The following ALCAM variants were observed in gnomAD, a reference collection of about 807,000 sequenced individuals.
ALCAM encodes activated leukocyte cell adhesion molecule.
A neutral mutation model predicts 70.9 loss-of-function variants in ALCAM; 30 were observed. That is an observed-to-expected ratio of 0.42 (90% CI 0.32 to 0.57). The LOEUF (loss-of-function observed/expected upper bound fraction) is 0.57, where lower values mean the gene tolerates loss of function less well. ALCAM is among the 20% of genes least tolerant of loss of function. The pLI is 0.11. For synonymous variants in ALCAM, 249 were observed against 242.5 expected (o/e 1.03, Z -0.25); for missense variants, 591 against 695.1 (o/e 0.85, Z 1.68).
rs1211462100 is a variant in ALCAM, at chr3:105,550,234, A to G, written c.1482A>G (p.Thr494=). 1.2e-6 allele frequency: 2 copies of G among 1,607,298 alleles called. No homozygotes were observed. Among genetic ancestry groups the G allele is most frequent in the Non-Finnish European group, 1.7e-6 (2 of 1,176,158 alleles). The part of the protein sequence containing the change: ...TCTAENQLER[T]VNSLNVSAIS... ...CAGCAGAAAACCAACTGGAGAGAAC[A>G]GTAAACTCCTTGAATGTCTCTGCTA... Residue 494 remains threonine (T), a synonymous_variant, in exon 12 of 16, where the codon ACA becomes ACG. Coordinates refer to ENST00000306107, the MANE Select transcript of ALCAM (RefSeq NM_001627.4).
At chr3:105,382,276 T>C (rs977785455) in intron 1 of ALCAM, among the ~76,000 whole-genome samples, 2 of 152,038 alleles carry the variant, frequency 1.3e-5, no homozygotes, top group Non-Finnish European at 2.9e-5. Context: ...AATTCATCAT[T>C]TTTTATGGCT....
chr3:105,401,901 C>G (rs1936098579), intron 1 of ALCAM, among the ~76,000 whole-genome samples: 1 of 151,222 alleles, frequency 6.6e-6, no homozygotes, highest in Non-Finnish European at 1.5e-5. Flanking sequence ...ATAAGAATTT[C>G]TAGACTTGGG....
intron 2 of ALCAM, among the ~76,000 whole-genome samples, chr3:105,523,466 A>G (rs1411908355): frequency 6.6e-6 from 1 of 152,252 alleles, no homozygotes; most frequent in Admixed American, 6.5e-5. Context: ...GTCATGGACT[A>G]TAACATATAT....
intron 1 of ALCAM, among the ~76,000 whole-genome samples, chr3:105,519,772 A>G (rs888746422): frequency 1.3e-5 from 2 of 152,184 alleles, no homozygotes; most frequent in African/African-American, 2.4e-5. Flanking sequence ...AGATTCCACG[A>G]TGTTCCTTTG....
At chr3:105,464,354 G>T (rs1483439673) in intron 1 of ALCAM, among the ~76,000 whole-genome samples, 8 of 146,634 alleles carry the variant, frequency 5.5e-5, no homozygotes, top group Admixed American at 1.4e-4. Context: ...GTTATGGGGG[G>T]TAAAATGAAA....
intron 1 of ALCAM, among the ~76,000 whole-genome samples, chr3:105,435,821 C>G (rs941178241): frequency 6.6e-6 from 1 of 152,030 alleles, no homozygotes; most frequent in South Asian, 2.1e-4. Flanking sequence ...GACGGAGTCT[C>G]GCTCTGTCGC....
chr3:105,425,049 G>T (rs1936756326), intron 1 of ALCAM, among the ~76,000 whole-genome samples: 1 of 150,870 alleles, frequency 6.6e-6, no homozygotes, highest in Non-Finnish European at 1.5e-5. Flanking sequence ...ACCTATGAGT[G>T]CCATTTAGCT....
chr3:105,551,159 C>T (rs961897233), intron 12 of ALCAM, among the ~76,000 whole-genome samples: 2 of 151,532 alleles, frequency 1.3e-5, no homozygotes, highest in African/African-American at 2.4e-5. Context: ...AATGGTCCCT[C>T]ACAGATTATG....
At chr3:105,495,805 G>A (rs1319698585) in intron 1 of ALCAM, among the ~76,000 whole-genome samples, 1 of 152,098 alleles carries the variant, frequency 6.6e-6, no homozygotes, top group Non-Finnish European at 1.5e-5. Flanking sequence ...AAAAGTTAAG[G>A]GAATTAAAAA....
At chr3:105,467,234 T>C (rs1488760109) in intron 1 of ALCAM, among the ~76,000 whole-genome samples, 1 of 151,318 alleles carries the variant, frequency 6.6e-6, no homozygotes, top group Non-Finnish European at 1.5e-5. Context: ...ATCATTTCTA[T>C]TGAGAACAGA....
chr3:105,561,690 A>G (rs1195680659), intron 14 of ALCAM, among the ~76,000 whole-genome samples: 1 of 152,178 alleles, frequency 6.6e-6, no homozygotes, highest in Admixed American at 6.5e-5. Flanking sequence ...GTGTTTCCCA[A>G]AAGAATCCTC....
At chr3:105,567,629 T>C (rs2152635470) in intron 14 of ALCAM, among the ~76,000 whole-genome samples, 1 of 152,316 alleles carries the variant, frequency 6.6e-6, no homozygotes, top group South Asian at 2.1e-4. Context: ...GTCATAGAAT[T>C]ATTTTTGTTC....
intron 1 of ALCAM, among the ~76,000 whole-genome samples, chr3:105,391,609 A>G (rs1935818990): frequency 1.3e-5 from 2 of 152,020 alleles, no homozygotes; most frequent in South Asian, 4.1e-4. Flanking sequence ...CCCTGGCCAG[A>G]ACTTCCAGTA....
chr3:105,541,599 G>A (rs1940116681), intron 7 of ALCAM, 34 bp from the exon 8 acceptor site: 1 of 1,607,232 alleles, frequency 6.2e-7, no homozygotes, highest in South Asian at 1.1e-5. Flanking sequence ...TAGCGACCAA[G>A]TATAATCATC....
rs13082435 is a variant in ALCAM at position 105,366,910 on chromosome 3, G to T, written c.-499G>T. 1 of 160,228 alleles carries T rather than the reference G, an allele frequency of 6.2e-6. No individual in the cohort carries two copies. Among genetic ancestry groups the T allele is most frequent in the South Asian group, 1.4e-4 (1 of 7,040 alleles). The allele number at this position is 160,228 out of a possible 1,614,324, so 9.9% of individuals were successfully genotyped here. A position where few individuals can be genotyped will look rare whatever the true frequency, so the allele number is the denominator to read the frequency against. ...ACACGCCTTCCAGTCCCTCTACTCA[G>T]AGCAGCCCGGAGACCGCTGCCGCCG... On this transcript the variant is annotated 5_prime_UTR_variant, in exon 1 of 16. Coordinates refer to ENST00000306107, the MANE Select transcript of ALCAM (RefSeq NM_001627.4).
intron 1 of ALCAM, among the ~76,000 whole-genome samples, chr3:105,457,309 A>T (rs1937547047): frequency 6.6e-6 from 1 of 152,136 alleles, no homozygotes; most frequent in Admixed American, 6.6e-5. Flanking sequence ...ATTGATGAGC[A>T]TTTAACCAAA....
At chr3:105,497,026 G>A (rs182126348) in intron 1 of ALCAM, among the ~76,000 whole-genome samples, 14 of 152,012 alleles carry the variant, frequency 9.2e-5, no homozygotes, top group Admixed American at 7.9e-4. Flanking sequence ...AAGAAAAAAC[G>A]TCTTTACTCT....
chr3:105,556,046 G>A (rs1202175155), intron 14 of ALCAM, among the ~76,000 whole-genome samples: 1 of 151,926 alleles, frequency 6.6e-6, no homozygotes. Context: ...AAGAACTAGA[G>A]ATATTTCAGT....
At chr3:105,497,875 C>CA in intron 1 of ALCAM, among the ~76,000 whole-genome samples, 1 of 151,846 alleles carries the variant, frequency 6.6e-6, no homozygotes, top group African/African-American at 2.4e-5. Flanking sequence ...ACTAAAAATA[C>CA]AAAAAATTAG....
Sources: gnomAD v4.1 joint callset for allele counts (sites outside exome capture counted in the v4.1 genomes callset) on GRCh38, gnomAD v4.1.1 for gene constraint, MANE v1.5 for transcripts, NCBI Gene and HGNC (gene_info 2026-07-23, HGNC 2026-07-21) for gene names.